Variants in KIF26A observed in about 807,000 individuals in gnomAD.
The protein encoded by KIF26A is kinesin-like protein KIF26A.
Under a neutral mutation model 126.0 loss-of-function variants are expected in KIF26A, and 74 were observed. The observed-to-expected ratio is 0.59, with a 90% CI of 0.49 to 0.71. KIF26A has a LOEUF of 0.71. Ranked by LOEUF, KIF26A falls within the 30% of genes least tolerant of loss-of-function variation. KIF26A has a pLI of 0.00. For missense variants in KIF26A, 2,984 were observed against 2,763.3 expected (o/e 1.08, Z -1.79); for synonymous variants, 1,445 against 1,232.7 (o/e 1.17, Z -3.61).
Position 104,151,054 on chromosome 14 carries a change from G to A in KIF26A, c.289-961G>A, listed in dbSNP as rs1467104034. Among the ~76,000 whole-genome samples the A allele has an allele frequency of 6.6e-6, 1 of 152,242 alleles. No individual in the cohort carries two copies. Among genetic ancestry groups the A allele is most frequent in the Non-Finnish European group, 1.5e-5 (1 of 68,038 alleles). Reference sequence around the variant, plus strand: ...CAAGGAGGGGCAAGGCCAGAGCCTGGTGGGGTGGTGAGGGACACGGGTGGG... The same window carrying A: ...CAAGGAGGGGCAAGGCCAGAGCCTGATGGGGTGGTGAGGGACACGGGTGGG... On this transcript the variant is annotated intron_variant, in intron 2 of 14. Transcript: ENST00000423312. The surrounding 1 kb of genome is among the most constrained non-coding windows in gnomAD (Gnocchi z 4.9).
chr14:104,139,869 G>C (rs565894527), intron 2 of KIF26A, among the ~76,000 whole-genome samples: 1 of 152,192 alleles, frequency 6.6e-6, no homozygotes, highest in Non-Finnish European at 1.5e-5. Flanking sequence ...ATTGAGTCGG[G>C]GCCCTCTGGG....
chr14:104,179,429 G>T, intron 14 of KIF26A, 43 bp downstream of exon 14: 3 of 1,457,460 alleles, frequency 2.1e-6, no homozygotes, highest in South Asian at 1.4e-5. Flanking sequence ...CCCACCGTGT[G>T]CCCTGACAGC....
Position 104,177,281 on chromosome 14 carries a change from G to T in KIF26A, c.4493G>T (p.Gly1498Val). The part of the protein sequence containing the change: ...VGAPKPPVGG[G>V]KGRGLVAGGS... Reference sequence around the variant, plus strand: ...GCCCCCAAGCCCCCTGTTGGTGGAGGCAAGGGCCGTGGCCTAGTGGCTGGT... The same window carrying T: ...GCCCCCAAGCCCCCTGTTGGTGGAGTCAAGGGCCGTGGCCTAGTGGCTGGT... Residue 1498 changes from glycine to valine, a missense_variant, in exon 12 of 15, where the codon GGC becomes GTC. Gly to Val is a moderately radical substitution (Grantham distance 109). Coordinates refer to ENST00000423312, the MANE Select transcript of KIF26A (RefSeq NM_015656.2). 1 of 1,589,024 alleles carries T rather than the reference G, an allele frequency of 6.3e-7. No homozygotes were observed. Among genetic ancestry groups the T allele is most frequent in the Non-Finnish European group, 8.5e-7 (1 of 1,170,990 alleles).
intron 2 of KIF26A, among the ~76,000 whole-genome samples, chr14:104,150,517 C>T (rs2037719242): frequency 6.6e-6 from 1 of 152,070 alleles, no homozygotes; most frequent in African/African-American, 2.4e-5. Flanking sequence ...CCCTGGACCA[C>T]AGCTGTTACC....
chr14:104,164,111 G>A (rs1239001903), intron 4 of KIF26A, among the ~76,000 whole-genome samples: 1 of 152,168 alleles, frequency 6.6e-6, no homozygotes, highest in Non-Finnish European at 1.5e-5. Context: ...TATTCAAAAT[G>A]AAAGAAATTA....
chr14:104,155,837 G>C (rs528287197), intron 3 of KIF26A, among the ~76,000 whole-genome samples: 3 of 152,366 alleles, frequency 2.0e-5, no homozygotes, highest in East Asian at 1.9e-4. Flanking sequence ...GGCCTGAGAT[G>C]GGGGAGGGCT....
chr14:104,163,531 C>T (rs1034390863), intron 4 of KIF26A, among the ~76,000 whole-genome samples: 2 of 151,532 alleles, frequency 1.3e-5, no homozygotes, highest in African/African-American at 4.8e-5. Context: ...TAAATGCTGG[C>T]GATGCTGGGT....
intron 13 of KIF26A, 98 bp downstream of exon 13, chr14:104,178,853 G>A: frequency 7.0e-6 from 5 of 711,758 alleles, no homozygotes; most frequent in Non-Finnish European, 1.1e-5. Context: ...GCCTCTGGGG[G>A]TGTGGCTGGG....
rs776188193 is a variant in KIF26A, at chr14:104,179,595, C to T, written c.5468-14C>T. 52 of 1,501,414 alleles carry T rather than the reference C, an allele frequency of 3.5e-5. No individual in the cohort carries two copies. Among genetic ancestry groups the T allele is most frequent in the African/African-American group, 6.9e-5 (5 of 71,974 alleles). The allele number at this position is 1,501,414 out of a possible 1,614,324, so 93.0% of individuals were successfully genotyped here. ...CCTGACGCAGGTGCCCCTCCCCTCT[C>T]CTCCCCTCCCCAGTTGAGGTGGACC... On this transcript the variant is annotated splice_polypyrimidine_tract_variant and intron_variant, in intron 14 of 14. Coordinates refer to ENST00000423312, the MANE Select transcript of KIF26A (RefSeq NM_015656.2).
intron 1 of KIF26A, 69 bp from the exon 2 acceptor site, chr14:104,138,974 G>A (rs1171205504): frequency 7.6e-7 from 1 of 1,309,930 alleles, no homozygotes; most frequent in Non-Finnish European, 9.7e-7. Context: ...GCTGGGGCAG[G>A]GCGCGCAGGG....
At chr14:104,142,716 G>A (rs528561734) in intron 2 of KIF26A, among the ~76,000 whole-genome samples, 8 of 152,222 alleles carry the variant, frequency 5.3e-5, no homozygotes, top group Non-Finnish European at 1.0e-4. Context: ...ACCCACCACC[G>A]CAAACTGTTG....
intron 2 of KIF26A, among the ~76,000 whole-genome samples, chr14:104,145,516 C>T (rs181193613): frequency 1.3e-5 from 2 of 152,224 alleles, no homozygotes; most frequent in Non-Finnish European, 2.9e-5. Flanking sequence ...CAGCTCAGCG[C>T]GCTGCATTGG....
chr14:104,158,133 C>T (rs937682667), intron 4 of KIF26A, among the ~76,000 whole-genome samples, 191 bp downstream of exon 4: 8 of 152,212 alleles, frequency 5.3e-5, no homozygotes, highest in East Asian at 3.9e-4. Flanking sequence ...GCCCCATGCC[C>T]GATGTTGGGG....
At position 104,179,862 on chromosome 14, in the gene KIF26A, T is replaced by A. The variant is rs928069910; in HGVS notation, c.*72T>A. On this transcript the variant is annotated 3_prime_UTR_variant, in exon 15 of 15. Coordinates refer to ENST00000423312, the MANE Select transcript of KIF26A (RefSeq NM_015656.2). Reference sequence around the variant, plus strand: ...CGGGACGTGGGACGGAGCGAGGATGTGGTGGGGGCTGCGGGGGGAGGATGC... The same window carrying A: ...CGGGACGTGGGACGGAGCGAGGATGAGGTGGGGGCTGCGGGGGGAGGATGC... 1 of 1,282,542 alleles carries A rather than the reference T, an allele frequency of 7.8e-7. No homozygotes were observed. The highest frequency in any genetic ancestry group is 1.0e-6 in the Non-Finnish European group (1 of 990,232). 79.4% of individuals were successfully genotyped at this position (1,282,542 alleles called of 1,614,324 possible). A position where few individuals can be genotyped will look rare whatever the true frequency, so the allele number is the denominator to read the frequency against.
At chr14:104,150,276 C>T (rs531173872) in intron 2 of KIF26A, among the ~76,000 whole-genome samples, 11 of 148,512 alleles carry the variant, frequency 7.4e-5, no homozygotes, top group Non-Finnish European at 1.5e-4. Context: ...AGCGAATCTC[C>T]GAAGCAGCAG....
At chr14:104,159,584 G>A (rs898786600) in intron 4 of KIF26A, among the ~76,000 whole-genome samples, 4 of 152,254 alleles carry the variant, frequency 2.6e-5, no homozygotes, top group East Asian at 1.9e-4. Flanking sequence ...CTTGCCAGCC[G>A]CGCTGCCTGC....
At chr14:104,178,476 G>A (rs1235663818) in intron 12 of KIF26A, 74 bp from the exon 13 acceptor site, 11 of 1,172,522 alleles carry the variant, frequency 9.4e-6, no homozygotes, top group South Asian at 3.8e-5. Flanking sequence ...GGCCGGCTCC[G>A]CAGCGTCCCC....
At chr14:104,166,731 T>C (rs2037907370) in intron 4 of KIF26A, 128 bp from the exon 5 acceptor site, 1 of 910,066 alleles carries the variant, frequency 1.1e-6, no homozygotes, top group Admixed American at 2.9e-5. Flanking sequence ...CAGCCACATT[T>C]TGGACTGGGT....
Position 104,151,222 on chromosome 14 carries a change from C to T in KIF26A, c.289-793C>T, listed in dbSNP as rs578104121. On this transcript the variant is annotated intron_variant, in intron 2 of 14. Transcript: ENST00000423312. This position sits in a 1 kb window ranked among gnomAD's most constrained non-coding sequence, Gnocchi z 4.9. The stretch of plus-strand genomic sequence containing the variant: ...TCCCTGACTCTGAGGCTGGGTGAGG[C>T]GCATCCTCCTCTGGGTTCTTCTGGC... 8.7e-4 allele frequency among the ~76,000 whole-genome samples: 132 copies of T among 152,284 alleles called. No homozygotes were observed. Among genetic ancestry groups the T allele is most frequent in the African/African-American group, 2.9e-3 (120 of 41,552 alleles).
Sources: allele counts gnomAD v4.1 joint callset (sites outside exome capture counted in the v4.1 genomes callset), GRCh38; gene constraint gnomAD v4.1.1; non-coding constraint Gnocchi (gnomAD v3.1); transcripts MANE v1.5; gene names NCBI Gene and HGNC (gene_info 2026-07-23, HGNC 2026-07-21).